TUB: variants seen among roughly 807,000 people sequenced by gnomAD.
The protein encoded by TUB is TUB bipartite transcription factor.
In TUB, 33 loss-of-function variants were observed where a neutral mutation model predicts 59.7. That is an observed-to-expected ratio of 0.55 (90% confidence interval 0.42 to 0.74). The LOEUF (loss-of-function observed/expected upper bound fraction) is 0.74. TUB is among the 30% of genes least tolerant of loss of function. TUB has a pLI of 0.00. For missense variants in TUB, 659 were observed against 672.0 expected, an observed-to-expected ratio of 0.98 and a Z score of 0.21; for synonymous variants, 293 against 256.4, an observed-to-expected ratio of 1.14 and a Z score of -1.36.
intron 2 of TUB, among the ~76,000 whole-genome samples, chr11:8,064,557 T>C (rs1440597550): frequency 1.3e-5 from 2 of 152,156 alleles, no homozygotes; most frequent in Non-Finnish European, 2.9e-5. Flanking sequence ...ATGTCTTGGC[T>C]GAGGTCTAAG....
chr11:8,049,658 A>T (rs1942902842), intron 2 of TUB, among the ~76,000 whole-genome samples: 1 of 151,086 alleles, frequency 6.6e-6, no homozygotes. Context: ...GTGTAATTTT[A>T]TTATGTAATT....
intron 2 of TUB, among the ~76,000 whole-genome samples, chr11:8,040,575 A>G (rs1381186176): frequency 6.6e-6 from 1 of 152,164 alleles, no homozygotes; most frequent in Non-Finnish European, 1.5e-5. Flanking sequence ...CAGGGACCCC[A>G]TTGCTCTCCT....
At chr11:8,039,519 A>T in intron 1 of TUB, 1 of 750,654 alleles carries the variant, frequency 1.3e-6, no homozygotes, top group Non-Finnish European at 2.0e-6. Flanking sequence ...TAACTCACCT[A>T]CTGAGGCAGC....
intron 1 of TUB, among the ~76,000 whole-genome samples, chr11:8,024,367 T>C (rs1589917792): frequency 6.6e-6 from 1 of 152,234 alleles, no homozygotes; most frequent in South Asian, 2.1e-4. Flanking sequence ...ACCAATGCCA[T>C]CTCTCAGTCT....
At chr11:8,029,828 G>A (rs531563158) in intron 1 of TUB, among the ~76,000 whole-genome samples, 1 of 152,336 alleles carries the variant, frequency 6.6e-6, no homozygotes, top group Non-Finnish European at 1.5e-5. Flanking sequence ...GGCAGTGCCA[G>A]CTTAGGGGTT....
At chr11:8,071,435 G>T (rs1232699448) in intron 2 of TUB, among the ~76,000 whole-genome samples, 2 of 152,144 alleles carry the variant, frequency 1.3e-5, no homozygotes, top group African/African-American at 4.8e-5. Flanking sequence ...ACACACTAAG[G>T]CCAAGGAAAT....
chr11:8,040,473 G>A (rs931736505), intron 2 of TUB, among the ~76,000 whole-genome samples: 1 of 152,188 alleles, frequency 6.6e-6, no homozygotes, highest in African/African-American at 2.4e-5. Context: ...CCTCATGGAT[G>A]TCAGTCCCGG....
At position 8,090,152 on chromosome 11, in the gene TUB, C is replaced by T; in HGVS notation, c.174C>T (p.Ser58=). 1 of 1,613,476 alleles carries T rather than the reference C, an allele frequency of 6.2e-7. No individual in the cohort carries two copies. The highest frequency in any genetic ancestry group is 8.5e-7 in the Non-Finnish European group (1 of 1,179,858). Residue 58 remains serine (S), a synonymous_variant, in exon 3 of 12, where the codon AGC becomes AGT. Transcript: ENST00000299506. Reference sequence around the variant, plus strand: ...CCAATGCAGATGGGCGGCCCCGGAGCCGGCGGGCCCGGCAGTCAGAGGAAC... The same window carrying T: ...CCAATGCAGATGGGCGGCCCCGGAGTCGGCGGGCCCGGCAGTCAGAGGAAC... The part of the protein sequence containing the change: ...VQANADGRPR[S]RRARQSEEQA...
chr11:8,058,246 A>G (rs899631743), intron 2 of TUB, among the ~76,000 whole-genome samples: 1 of 151,250 alleles, frequency 6.6e-6, no homozygotes, highest in African/African-American at 2.4e-5. Flanking sequence ...AAGAAGCGGT[A>G]TAAATTTAAC....
At chr11:8,030,759 G>C (rs1942558124) in intron 1 of TUB, among the ~76,000 whole-genome samples, 1 of 152,150 alleles carries the variant, frequency 6.6e-6, no homozygotes, top group East Asian at 1.9e-4. Flanking sequence ...ATCTGGGGAG[G>C]CTTTGGAGTC....
upstream of TUB, among the ~76,000 whole-genome samples, chr11:8,080,764 C>CGGGGGTGTGGGAACTCGGAGGT (rs1943535292): frequency 6.6e-6 from 1 of 152,148 alleles, no homozygotes; most frequent in Non-Finnish European, 1.5e-5. Context: ...GTTCCCCAGG[C>CGGGGGTGTGGGAACTCGGAGGT]GGGGGTGTGG....
chr11:8,086,943 A>C (rs573622071), intron 1 of TUB, among the ~76,000 whole-genome samples: 1 of 152,348 alleles, frequency 6.6e-6, no homozygotes, highest in East Asian at 1.9e-4. Context: ...CCTAGTAATC[A>C]GGGTCACCGA....
In TUB at chr11:8,065,999, G is replaced by A. The variant is rs146285162; in HGVS notation, c.204-23611G>A. 2.2e-4 allele frequency among the ~76,000 whole-genome samples: 34 copies of A among 152,322 alleles called. 2 individuals carry two copies. The East Asian group carries it at 6.6e-3, about 29-fold the overall frequency. On this transcript the variant is annotated intron_variant, in intron 2 of 12. Coordinates refer to the TUB transcript ENST00000305253. ...AAGCGTTTCTCTCTGTGAGCTCAGA[G>A]TCCAGCCTGGGATTGGTCAGACATG...
chr11:8,098,703 C>G (rs1944116796), intron 8 of TUB, 55 bp from the exon 9 acceptor site: 16 of 1,358,066 alleles, frequency 1.2e-5, no homozygotes, highest in Non-Finnish European at 1.7e-5. Context: ...ATGAGCTGTT[C>G]CCTGCTCTGG....
At chr11:8,025,600 C>T (rs58159885) in intron 1 of TUB, among the ~76,000 whole-genome samples, 2,984 of 152,178 alleles carry the variant, frequency 0.02, 100 homozygotes, top group African/African-American at 0.067. Flanking sequence ...ATTGTTTGGC[C>T]GTTTTCAGAC....
Position 8,101,987 on chromosome 11 carries a change from G to A in TUB, c.*368G>A. ...GGGAGAGGAAGCACACTGCAGGGCTGCTGTGGCCCAGTCGTCCGCTCAGCC... is the reference window on the plus strand; with the variant it reads ...GGGAGAGGAAGCACACTGCAGGGCTACTGTGGCCCAGTCGTCCGCTCAGCC... On this transcript the variant is annotated 3_prime_UTR_variant, in exon 12 of 12. Coordinates refer to ENST00000299506, the MANE Select transcript of TUB (RefSeq NM_177972.3). 3 of 248,364 alleles carry A rather than the reference G, an allele frequency of 1.2e-5. No homozygotes were observed. The highest frequency in any genetic ancestry group is 1.9e-4 in the South Asian group (2 of 10,706). The allele number at this position is 248,364 out of a possible 1,614,324, so 15.4% of individuals were successfully genotyped here.
chr11:8,038,628 G>T (rs571085203), upstream of TUB: 19 of 1,230,184 alleles, frequency 1.5e-5, no homozygotes, highest in Non-Finnish European at 1.8e-5. Context: ...CATGGCCACT[G>T]AGACCTTGAG....
At chr11:8,049,385 G>T (rs1589932512) in intron 2 of TUB, among the ~76,000 whole-genome samples, 1 of 152,116 alleles carries the variant, frequency 6.6e-6, no homozygotes, top group Non-Finnish European at 1.5e-5. Flanking sequence ...TGAGAGTAGG[G>T]CCCAAGAATC....
At chr11:8,046,182 G>T (rs951915433) in intron 2 of TUB, among the ~76,000 whole-genome samples, 10 of 152,118 alleles carry the variant, frequency 6.6e-5, no homozygotes, top group Non-Finnish European at 2.9e-5. Flanking sequence ...CAGGGCACTT[G>T]CAGGGTTCAC....
Sources: allele counts gnomAD v4.1 joint callset (sites outside exome capture counted in the v4.1 genomes callset), GRCh38; gene constraint gnomAD v4.1.1; transcripts MANE v1.5; gene names NCBI Gene and HGNC (gene_info 2026-07-23, HGNC 2026-07-21).